MSH3: variants seen among roughly 807,000 people sequenced by gnomAD.
MSH3 encodes mutS homolog 3, also known as DNA mismatch repair protein Msh3.
A neutral mutation model predicts 123.3 loss-of-function variants in MSH3; 106 were observed. The observed-to-expected ratio is 0.86, with a 90% confidence interval of 0.73 to 1.01. The LOEUF is 1.01. Ranked by LOEUF, MSH3 falls within the 50% of genes least tolerant of loss-of-function variation. The pLI is 0.00. For missense variants in MSH3, 1,459 were observed against 1,347.6 expected (o/e 1.08, Z -1.29); for synonymous variants, 515 against 481.4 (o/e 1.07, Z -0.91).
At chr5:80,808,731 A>T (rs1445158561) in intron 19 of MSH3, among the ~76,000 whole-genome samples, 1 of 151,752 alleles carries the variant, frequency 6.6e-6, no homozygotes, top group African/African-American at 2.4e-5. Flanking sequence ...CAAAGAACAT[A>T]TACATGATTG....
intron 8 of MSH3, among the ~76,000 whole-genome samples, chr5:80,696,558 T>C (rs1455064225): frequency 6.6e-6 from 1 of 152,188 alleles, no homozygotes; most frequent in East Asian, 1.9e-4. Flanking sequence ...AAAGTAAACC[T>C]GGGGAACTCA....
rs1485129801 is a variant in MSH3 at position 80,813,726 on chromosome 5, A to G, written c.2798A>G (p.Asp933Gly). ...PAEEATIGIV[D>G]GIFTRMGAAD... ...GAAGAAGCGACAATTGGGATTGTGG[A>G]TGGCATTTTCACAAGGTAAGTACGT... Residue 933 changes from aspartate (D) to glycine (G), a missense_variant, in exon 20 of 24, where the codon GAT (aspartate) becomes GGT (glycine). Physicochemically the swap from Asp to Gly is moderately conservative, Grantham distance 94. Coordinates refer to ENST00000265081, the MANE Select transcript of MSH3 (RefSeq NM_002439.5). The G allele has an allele frequency of 6.2e-7, 1 of 1,614,172 alleles. No homozygotes were observed. The highest frequency in any genetic ancestry group is 8.5e-7 in the Non-Finnish European group (1 of 1,180,022).
intron 1 of MSH3, 188 bp downstream of exon 1, chr5:80,655,152 A>G (rs1749235571): frequency 2.1e-6 from 1 of 486,210 alleles, no homozygotes; most frequent in African/African-American, 2.0e-5. Flanking sequence ...AGGTTTTAGT[A>G]CTTCCGTTTG....
intron 20 of MSH3, among the ~76,000 whole-genome samples, chr5:80,846,282 C>A (rs1218903608): frequency 1.3e-5 from 2 of 152,016 alleles, no homozygotes; most frequent in East Asian, 3.9e-4. Context: ...GAAGTTTCAT[C>A]CCAGAGGGGC....
At chr5:80,673,238 A>C (rs1308737334) in intron 6 of MSH3, among the ~76,000 whole-genome samples, 1 of 152,148 alleles carries the variant, frequency 6.6e-6, no homozygotes, top group Non-Finnish European at 1.5e-5. Flanking sequence ...CTAAAAAGTA[A>C]CTTATTGAAG....
intron 8 of MSH3, among the ~76,000 whole-genome samples, chr5:80,719,087 C>T (rs1001428409): frequency 1.5e-4 from 23 of 150,108 alleles, no homozygotes; most frequent in Non-Finnish European, 2.7e-4. Flanking sequence ...CTTACTCTGT[C>T]GCCAGGCTGG....
intron 20 of MSH3, among the ~76,000 whole-genome samples, chr5:80,834,613 A>G (rs1745477399): frequency 7.1e-6 from 1 of 140,874 alleles, no homozygotes; most frequent in Non-Finnish European, 1.5e-5. Context: ...TAATTAAAAT[A>G]TATTTTTAGT....
chr5:80,666,619 C>T (rs971053945), intron 3 of MSH3, among the ~76,000 whole-genome samples: 4 of 152,150 alleles, frequency 2.6e-5, no homozygotes, highest in Non-Finnish European at 5.9e-5. Flanking sequence ...CTCAGAAGAG[C>T]GTATACATTA....
chr5:80,857,678 A>G (rs1159887732), intron 21 of MSH3, among the ~76,000 whole-genome samples: 2 of 152,242 alleles, frequency 1.3e-5, no homozygotes, highest in Non-Finnish European at 2.9e-5. Context: ...TTGTGGACAT[A>G]GAGTTGGTCA....
chr5:80,869,841 TAC>T (rs35006113), intron 22 of MSH3, among the ~76,000 whole-genome samples: 25,315 of 132,498 alleles, frequency 0.19, 2,325 homozygotes, highest in African/African-American at 0.23. Flanking sequence ...TACATATATA[TAC>T]ACACACACAC....
chr5:80,692,603 T>G (rs1031854605), intron 8 of MSH3, among the ~76,000 whole-genome samples: 16 of 146,024 alleles, frequency 1.1e-4, no homozygotes, highest in African/African-American at 3.8e-4. Flanking sequence ...TATATGTTTA[T>G]ATAGATGAAT....
At chr5:80,849,860 A>G (rs1023704273) in intron 20 of MSH3, among the ~76,000 whole-genome samples, 1 of 152,184 alleles carries the variant, frequency 6.6e-6, no homozygotes. Flanking sequence ...AAATTTCTGC[A>G]CCTGGCTTGA....
intron 20 of MSH3, among the ~76,000 whole-genome samples, chr5:80,830,312 C>CT (rs1194319257): frequency 6.6e-6 from 1 of 152,090 alleles, no homozygotes; most frequent in Admixed American, 6.5e-5. Flanking sequence ...CCCTTGAACT[C>CT]TTATTTTTAA....
In MSH3 at chr5:80,799,717, A is replaced by G. The variant is rs370810411; in HGVS notation, c.2655+6873A>G. On this transcript the variant is annotated intron_variant, in intron 19 of 23. Transcript: ENST00000265081. ...TTAGTAGTGACTATGATTCCCTGTC[A>G]TTGAGCAAGCGTCCCCATTGAGACA... Among the ~76,000 whole-genome samples the G allele has an allele frequency of 2.0e-5, 3 of 152,028 alleles. No individual in the cohort carries two copies. In the East Asian group the frequency reaches 5.8e-4, roughly 29 times the overall value.
intron 8 of MSH3, among the ~76,000 whole-genome samples, chr5:80,700,640 C>T (rs546690883): frequency 1.3e-5 from 2 of 151,822 alleles, no homozygotes; most frequent in Admixed American, 1.3e-4. Flanking sequence ...CATGAAAATC[C>T]AGATTTTAAA....
intron 7 of MSH3, among the ~76,000 whole-genome samples, chr5:80,675,901 T>A (rs1749828208): frequency 6.6e-6 from 1 of 152,256 alleles, no homozygotes; most frequent in African/African-American, 2.4e-5. Context: ...TATGGTATTA[T>A]ATCTAGATTT....
intron 20 of MSH3, among the ~76,000 whole-genome samples, chr5:80,817,241 GGTCAACAGT>G (rs2112059592): frequency 6.6e-6 from 1 of 151,934 alleles, no homozygotes; most frequent in East Asian, 1.9e-4. Context: ...GAAAAGTAGT[GGTCAACAGT>G]GCTGAAAGGT....
chr5:80,665,672 G>T (rs1330609266), intron 3 of MSH3, among the ~76,000 whole-genome samples: 1 of 152,178 alleles, frequency 6.6e-6, no homozygotes, highest in Non-Finnish European at 1.5e-5. Context: ...TACAAGCACA[G>T]TTTCTTACAG....
Position 80,774,481 on chromosome 5 carries a change from A to G in MSH3, c.2254-1213A>G, listed in dbSNP as rs76190026. Among the ~76,000 whole-genome samples the G allele has an allele frequency of 3.2e-4, 49 of 152,238 alleles. No homozygotes were observed. In the East Asian group the frequency reaches 8.7e-3, roughly 27 times the overall value. ...TAGGTATATATCCCAAAGAAAGGTAATTAGTATATTAAGGAGATATCTGCA... is the reference window on the plus strand; with the variant it reads ...TAGGTATATATCCCAAAGAAAGGTAGTTAGTATATTAAGGAGATATCTGCA... On this transcript the variant is annotated intron_variant, in intron 15 of 23. Coordinates refer to ENST00000265081, the MANE Select transcript of MSH3 (RefSeq NM_002439.5).
Sources: allele counts gnomAD v4.1 joint callset (sites outside exome capture counted in the v4.1 genomes callset), GRCh38; gene constraint gnomAD v4.1.1; transcripts MANE v1.5; gene names NCBI Gene and HGNC (gene_info 2026-07-23, HGNC 2026-07-21).